The following KCTD20 variants were observed in gnomAD, a reference collection of about 807,000 sequenced individuals.
KCTD20 encodes potassium channel tetramerization domain containing 20.
KCTD20 carries 30 observed loss-of-function variants against 39.6 expected under a neutral mutation model. The ratio of observed to expected loss-of-function variants is 0.76; its 90% CI spans 0.57 to 1.03. KCTD20 has a LOEUF of 1.03. KCTD20 is among the 50% of genes least tolerant of loss of function. KCTD20 has a pLI of 0.00. For synonymous variants in KCTD20, 162 were observed against 180.6 expected (o/e 0.90, Z 0.83); for missense variants, 422 against 522.0 (o/e 0.81, Z 1.87).
chr6:36,443,124 G>A lies in KCTD20; in HGVS notation c.-47+13G>A, dbSNP rs1488545804. The A allele has an allele frequency of 6.6e-6, 1 of 152,450 alleles. No individual in the cohort carries two copies. The highest frequency in any genetic ancestry group is 2.4e-5 in the African/African-American group (1 of 41,448). 9.4% of individuals were successfully genotyped at this position (152,450 alleles called of 1,614,324 possible). On this transcript the variant is annotated intron_variant, in intron 1 of 7. Transcript: ENST00000373731. ...CGGGGAGCGACGAGTAAGTGGCGGCGCGGTACGGTTTCGGGCGCGAAGACC... is the reference window on the plus strand; with the variant it reads ...CGGGGAGCGACGAGTAAGTGGCGGCACGGTACGGTTTCGGGCGCGAAGACC...
chr6:36,448,008 T>G (rs963806017), intron 1 of KCTD20, among the ~76,000 whole-genome samples: 3 of 19,252 alleles, frequency 1.6e-4, no homozygotes, highest in African/African-American at 2.9e-4. Flanking sequence ...TATGTGTATG[T>G]GTGTGTGTAT....
chr6:36,471,708 T>C, intron 2 of KCTD20, among the ~76,000 whole-genome samples: 1 of 152,190 alleles, frequency 6.6e-6, no homozygotes, highest in Non-Finnish European at 1.5e-5. Flanking sequence ...GCAAGGAGTC[T>C]GTTTTCCTAC....
intron 3 of KCTD20, among the ~76,000 whole-genome samples, chr6:36,477,293 G>T (rs927158319): frequency 6.6e-6 from 1 of 152,126 alleles, no homozygotes; most frequent in East Asian, 1.9e-4. Flanking sequence ...AAGTCCAGCT[G>T]ATAATAAATG....
At chr6:36,479,339 C>T (rs1469871741) in intron 4 of KCTD20, 116 bp downstream of exon 4, 1 of 776,692 alleles carries the variant, frequency 1.3e-6, no homozygotes, top group Non-Finnish European at 2.1e-6. Flanking sequence ...CCAGTTGTTT[C>T]CTTTCTCCCT....
At chr6:36,467,318 A>ATTT (rs775332647) in intron 1 of KCTD20, among the ~76,000 whole-genome samples, 6 of 29,850 alleles carry the variant, frequency 2.0e-4, no homozygotes, top group African/African-American at 8.0e-4. Context: ...ATCCTTCAGG[A>ATTT]TTTTTTTTTT....
At chr6:36,471,879 C>T (rs922287267) in intron 2 of KCTD20, among the ~76,000 whole-genome samples, 14 of 150,024 alleles carry the variant, frequency 9.3e-5, no homozygotes, top group South Asian at 2.1e-4. Context: ...GACGGAGCCT[C>T]GCTCTGTTGC....
chr6:36,452,006 T>C (rs1436836590), intron 1 of KCTD20, among the ~76,000 whole-genome samples: 1 of 152,180 alleles, frequency 6.6e-6, no homozygotes, highest in Non-Finnish European at 1.5e-5. Flanking sequence ...AGACAGGGTT[T>C]CGCCATGTTG....
At chr6:36,486,423 G>A (rs662384) in intron 7 of KCTD20, among the ~76,000 whole-genome samples, 9 of 152,110 alleles carry the variant, frequency 5.9e-5, no homozygotes, top group Non-Finnish European at 1.2e-4. Flanking sequence ...CCATGTGACA[G>A]CCTTTCACAT....
At chr6:36,452,753 G>T (rs868428548) in intron 1 of KCTD20, 1 of 152,030 alleles carries the variant, frequency 6.6e-6, no homozygotes. Flanking sequence ...GGCCAGGCTG[G>T]TCTTGAACTC....
intron 1 of KCTD20, among the ~76,000 whole-genome samples, chr6:36,463,731 C>T (rs1255525071): frequency 1.3e-5 from 2 of 152,174 alleles, no homozygotes; most frequent in Non-Finnish European, 2.9e-5. Context: ...AATTTGCCAG[C>T]ACCCTAATCT....
chr6:36,467,382 A>G (rs1342654079), intron 1 of KCTD20, among the ~76,000 whole-genome samples: 2 of 95,994 alleles, frequency 2.1e-5, no homozygotes, highest in African/African-American at 8.3e-5. Context: ...ACTTTCGCCC[A>G]GGCTGGAGTG....
chr6:36,482,807 G>A (rs1447430099), intron 6 of KCTD20, among the ~76,000 whole-genome samples: 5 of 151,964 alleles, frequency 3.3e-5, no homozygotes, highest in South Asian at 2.1e-4. Context: ...TTAGCTGGGC[G>A]TCGTGGCTCA....
At chr6:36,486,084 T>G (rs1409086905) in intron 7 of KCTD20, among the ~76,000 whole-genome samples, 1 of 152,044 alleles carries the variant, frequency 6.6e-6, no homozygotes, top group Admixed American at 6.5e-5. Context: ...TTTTTTAACC[T>G]TTTTTCTAAG....
At chr6:36,450,203 T>A (rs1429719872) in intron 1 of KCTD20, among the ~76,000 whole-genome samples, 1 of 141,100 alleles carries the variant, frequency 7.1e-6, no homozygotes, top group Non-Finnish European at 1.5e-5. Flanking sequence ...AGTTATGTAT[T>A]GGGGCCGGGT....
chr6:36,460,701 G>A (rs2127436966), intron 1 of KCTD20, among the ~76,000 whole-genome samples: 1 of 152,272 alleles, frequency 6.6e-6, no homozygotes, highest in Admixed American at 6.5e-5. Flanking sequence ...ATTTAAAGAG[G>A]AAAGGTGCTA....
chr6:36,449,182 G>A (rs1407166078), intron 1 of KCTD20, among the ~76,000 whole-genome samples: 1 of 152,184 alleles, frequency 6.6e-6, no homozygotes, highest in African/African-American at 2.4e-5. Flanking sequence ...GGCCCTGTCC[G>A]TGTCCTGCTG....
At chr6:36,478,721 C>T (rs570743907) in intron 3 of KCTD20, among the ~76,000 whole-genome samples, 1 of 152,156 alleles carries the variant, frequency 6.6e-6, no homozygotes, top group South Asian at 2.1e-4. Context: ...AGCCTAGATG[C>T]TGTCTTTCTG....
intron 2 of KCTD20, among the ~76,000 whole-genome samples, chr6:36,471,955 TCTC>T (rs1035664639): frequency 1.3e-5 from 2 of 152,002 alleles, no homozygotes; most frequent in African/African-American, 2.4e-5. Flanking sequence ...TTCACGCTAT[TCTC>T]CTGCCTCAGC....
intron 2 of KCTD20, among the ~76,000 whole-genome samples, chr6:36,472,456 G>C (rs1462483756): frequency 6.6e-6 from 1 of 152,050 alleles, no homozygotes; most frequent in Non-Finnish European, 1.5e-5. Context: ...TTTCCCAGAG[G>C]TCATGGGCAT....
Sources: allele counts gnomAD v4.1 joint callset (sites outside exome capture counted in the v4.1 genomes callset), GRCh38; gene constraint gnomAD v4.1.1; transcripts MANE v1.5; gene names NCBI Gene and HGNC (gene_info 2026-07-23, HGNC 2026-07-21).